Variants in ANO1 observed in about 807,000 individuals in gnomAD.
ANO1 encodes anoctamin-1.
A neutral mutation model predicts 124.0 loss-of-function variants in ANO1; 59 were observed. The ratio of observed to expected loss-of-function variants is 0.48; its 90% confidence interval spans 0.39 to 0.59. The LOEUF is 0.59. Ranked by LOEUF, ANO1 falls within the 20% of genes least tolerant of loss-of-function variation. The probability of loss-of-function intolerance (pLI) is 0.00; values close to 1 mark genes in which losing one functional copy is unlikely to be tolerated. For missense variants in ANO1, 1,059 were observed against 1,328.0 expected (o/e 0.80, Z 3.15); for synonymous variants, 529 against 532.0 (o/e 0.99, Z 0.08).
chr11:70,184,993 C>T (rs967725256), intron 24 of ANO1, among the ~76,000 whole-genome samples: 1 of 152,110 alleles, frequency 6.6e-6, no homozygotes, highest in African/African-American at 2.4e-5. Flanking sequence ...GATTACAGTG[C>T]TGAGGTTACA....
chr11:70,085,088 A>G (rs1043449146), intron 1 of ANO1, among the ~76,000 whole-genome samples: 3 of 152,010 alleles, frequency 2.0e-5, no homozygotes, highest in Non-Finnish European at 4.4e-5. Flanking sequence ...CTTGAGGCTG[A>G]GCTCAGCCTC....
chr11:70,091,537 A>G (rs544701727), intron 2 of ANO1, among the ~76,000 whole-genome samples: 1 of 152,196 alleles, frequency 6.6e-6, no homozygotes, highest in Non-Finnish European at 1.5e-5. Flanking sequence ...AACCACCCCC[A>G]GTTGAGAATC....
At chr11:70,174,739 A>T (rs909748747) in intron 22 of ANO1, among the ~76,000 whole-genome samples, 1 of 152,110 alleles carries the variant, frequency 6.6e-6, no homozygotes, top group African/African-American at 2.4e-5. Context: ...GGCCTCCTGC[A>T]TGCGTAGAGG....
rs527534981 is a variant in ANO1, at chr11:70,108,100, G to A, written c.748-253G>A. 11 of 461,368 alleles carry A rather than the reference G, an allele frequency of 2.4e-5. No individual in the cohort carries two copies. The South Asian group carries it at 2.6e-4, about 11-fold the overall frequency. The allele number at this position is 461,368 out of a possible 1,614,324, so 28.6% of individuals were successfully genotyped here. ...TGGGGCCAACTGCCATGACTCCCAC[G>A]TTGGGAGGTGAAAGATGGGAACTGC... On this transcript the variant is annotated intron_variant, in intron 5 of 25. Transcript: ENST00000355303.
At chr11:69,977,921 T>C in the ANO1 span, among the ~76,000 whole-genome samples, 2 of 152,222 alleles carry the variant, frequency 1.3e-5, no homozygotes, top group African/African-American at 4.8e-5. Flanking sequence ...TTGTGAATGG[T>C]CCTCTCTTGA....
chr11:70,095,435 A>G (rs916012805), intron 2 of ANO1, among the ~76,000 whole-genome samples: 18 of 145,812 alleles, frequency 1.2e-4, no homozygotes, highest in East Asian at 2.0e-4. Context: ...AGAAAAGAAA[A>G]GAAAGAAAGA....
At chr11:70,042,216 G>A (rs1245063056) in intron 1 of ANO1, among the ~76,000 whole-genome samples, 5 of 152,200 alleles carry the variant, frequency 3.3e-5, no homozygotes, top group African/African-American at 1.2e-4. Flanking sequence ...ATAGGAAGCA[G>A]TGGCTTTGAA....
chr11:70,124,471 A>G, intron 9 of ANO1, 57 bp downstream of exon 9: 1 of 1,539,530 alleles, frequency 6.5e-7, no homozygotes. Context: ...GCAGTCGGAT[A>G]ACATCCCTGT....
chr11:70,116,388 C>T, intron 7 of ANO1, 70 bp from the exon 8 acceptor site: 2 of 1,436,482 alleles, frequency 1.4e-6, no homozygotes, highest in Admixed American at 2.0e-5. Context: ...TGTTTTGAAA[C>T]ATAATGGATG....
intron 1 of ANO1, among the ~76,000 whole-genome samples, chr11:70,008,130 C>T (rs1856526801): frequency 6.6e-6 from 1 of 151,238 alleles, no homozygotes; most frequent in South Asian, 2.1e-4. Flanking sequence ...TGTTGAGTTA[C>T]AGGAGCTCTT....
At chr11:70,183,581 G>C (rs755381533) in intron 24 of ANO1, among the ~76,000 whole-genome samples, 1 of 152,216 alleles carries the variant, frequency 6.6e-6, no homozygotes, top group Non-Finnish European at 1.5e-5. Flanking sequence ...AGCAGGCAAA[G>C]CCTTGAGCAC....
At chr11:69,981,633 C>T (rs1334270790), upstream of ANO1, among the ~76,000 whole-genome samples, 3 of 152,152 alleles carry the variant, frequency 2.0e-5, no homozygotes, top group Non-Finnish European at 4.4e-5. Flanking sequence ...TGAGCAGCTG[C>T]CTCGGAGGCT....
intron 2 of ANO1, among the ~76,000 whole-genome samples, chr11:70,095,989 T>C (rs1177970414): frequency 6.6e-6 from 1 of 152,246 alleles, no homozygotes; most frequent in Non-Finnish European, 1.5e-5. Context: ...TTAAACGAGT[T>C]AAGCATAGCT....
At chr11:70,043,677 C>T (rs922468179) in intron 1 of ANO1, among the ~76,000 whole-genome samples, 1 of 152,056 alleles carries the variant, frequency 6.6e-6, no homozygotes, top group Non-Finnish European at 1.5e-5. Flanking sequence ...ATCTTTAAAG[C>T]ATGAAAGAAA....
At chr11:70,014,667 C>T (rs564512935) in intron 1 of ANO1, among the ~76,000 whole-genome samples, 106 of 152,154 alleles carry the variant, frequency 7.0e-4, no homozygotes, top group African/African-American at 2.4e-3. Context: ...ATGCTGGGAG[C>T]AGGATTGCTG....
intron 24 of ANO1, among the ~76,000 whole-genome samples, chr11:70,183,208 G>A (rs1313717182): frequency 6.6e-6 from 1 of 152,210 alleles, no homozygotes; most frequent in Non-Finnish European, 1.5e-5. Context: ...GCTGGATCCA[G>A]GAGCTACAGT....
At chr11:70,170,077 C>T (rs766005726) in intron 21 of ANO1, 45 of 446,838 alleles carry the variant, frequency 1.0e-4, no homozygotes, top group East Asian at 7.0e-4. Context: ...GGGGCAGAGG[C>T]GAGGGACTGT....
intron 10 of ANO1, among the ~76,000 whole-genome samples, chr11:70,126,434 A>G (rs1385852403): frequency 6.6e-6 from 1 of 152,266 alleles, no homozygotes; most frequent in Non-Finnish European, 1.5e-5. Context: ...AGAAAGGCAT[A>G]AAAGAAACAT....
intron 1 of ANO1, among the ~76,000 whole-genome samples, chr11:69,990,710 G>T (rs1856137294): frequency 6.8e-6 from 1 of 146,710 alleles, no homozygotes; most frequent in African/African-American, 2.5e-5. Flanking sequence ...TATCATTGTG[G>T]CTTTGATTTT....
Sources: gnomAD v4.1 joint callset for allele counts (sites outside exome capture counted in the v4.1 genomes callset) on GRCh38, gnomAD v4.1.1 for gene constraint, MANE v1.5 for transcripts, NCBI Gene and HGNC (gene_info 2026-07-23, HGNC 2026-07-21) for gene names.